The following TRIM2 variants were observed in gnomAD, a reference collection of about 807,000 sequenced individuals.
The protein encoded by TRIM2 is tripartite motif containing 2, also known as tripartite motif-containing protein 2.
A neutral mutation model predicts 75.2 loss-of-function variants in TRIM2; 20 were observed. That is an observed-to-expected ratio of 0.27 (90% CI 0.19 to 0.39). TRIM2 has a LOEUF of 0.39. Ranked by LOEUF, TRIM2 falls within the 10% of genes least tolerant of loss-of-function variation. The pLI, the probability that TRIM2 is intolerant of heterozygous loss-of-function variation, is 1.00. For missense variants in TRIM2, 660 were observed against 990.8 expected (o/e 0.67, Z 4.48); for synonymous variants, 373 against 388.3 (o/e 0.96, Z 0.46).
intron 11 of TRIM2, among the ~76,000 whole-genome samples, chr4:153,333,980 TC>T (rs1772054011): frequency 6.6e-6 from 1 of 151,904 alleles, no homozygotes; most frequent in African/African-American, 2.4e-5. Context: ...TACAACCCAC[TC>T]TTTTCTAAAA....
chr4:153,183,362 T>C (rs1732269920), intron 1 of TRIM2, among the ~76,000 whole-genome samples: 1 of 152,186 alleles, frequency 6.6e-6, no homozygotes, highest in Non-Finnish European at 1.5e-5. Context: ...GCATGTATTG[T>C]GAAGTAGAAG....
intron 1 of TRIM2, among the ~76,000 whole-genome samples, chr4:153,239,542 C>A (rs1026341959): frequency 6.6e-6 from 1 of 152,166 alleles, no homozygotes. Flanking sequence ...TACTGCTTCA[C>A]ATCCCCTTTA....
At chr4:153,305,399 C>T (rs10517568) in intron 6 of TRIM2, among the ~76,000 whole-genome samples, 96,401 of 152,078 alleles carry the variant, frequency 0.63, 31,796 homozygotes, top group African/African-American at 0.82. Flanking sequence ...AGCATATTCA[C>T]AGTTGTAGTC....
chr4:153,324,236 G>T, intron 10 of TRIM2, 88 bp downstream of exon 10: 1 of 1,111,842 alleles, frequency 9.0e-7, no homozygotes, highest in East Asian at 2.5e-5. Flanking sequence ...ACTTACATAT[G>T]GCACCAAAGG....
In TRIM2 at chr4:153,248,766, CT is replaced by C; in HGVS notation, c.31-21567del. ...CAGGCAGGTTGCTTAGGAAAATACT[CT>C]TCTGGTAACATGTTGGAGGGGCAGC... On this transcript the variant is annotated intron_variant, in intron 1 of 11. Coordinates refer to ENST00000338700, the MANE Select transcript of TRIM2 (RefSeq NM_015271.5). The surrounding 1 kb of genome is among the most constrained non-coding windows in gnomAD (Gnocchi z 4.0). Among the ~76,000 whole-genome samples the C allele has an allele frequency of 6.6e-6, 1 of 152,254 alleles. No homozygotes were observed. Among genetic ancestry groups the C allele is most frequent in the East Asian group, 1.9e-4 (1 of 5,200 alleles).
chr4:153,212,874 A>G (rs540355429), intron 1 of TRIM2, among the ~76,000 whole-genome samples: 23 of 152,132 alleles, frequency 1.5e-4, no homozygotes, highest in South Asian at 8.3e-4. Flanking sequence ...GTTCCTTTGC[A>G]TGGTGGTTGT....
At chr4:153,276,305 A>G in intron 3 of TRIM2, 175 bp downstream of exon 3, 1 of 612,712 alleles carries the variant, frequency 1.6e-6, no homozygotes, top group South Asian at 2.0e-5. Flanking sequence ...GACCAGAACT[A>G]TTTAAATAAC....
At chr4:153,311,154 C>T (rs1015272683) in intron 6 of TRIM2, among the ~76,000 whole-genome samples, 5 of 152,042 alleles carry the variant, frequency 3.3e-5, no homozygotes, top group African/African-American at 1.2e-4. Context: ...AAAATTATAC[C>T]CCAAAATACA....
intron 1 of TRIM2, among the ~76,000 whole-genome samples, chr4:153,154,051 A>G (rs1299455341): frequency 6.6e-6 from 1 of 152,144 alleles, no homozygotes; most frequent in Admixed American, 6.6e-5. Context: ...ATTCCAGACA[A>G]GGTTTTAATT....
intron 1 of TRIM2, among the ~76,000 whole-genome samples, chr4:153,231,766 G>A (rs943304343): frequency 1.8e-4 from 28 of 151,996 alleles, no homozygotes; most frequent in Non-Finnish European, 2.2e-4. Context: ...TCACATAATC[G>A]TCCCTCCATG....
At chr4:153,301,370 A>G (rs1201992474) in intron 6 of TRIM2, among the ~76,000 whole-genome samples, 1 of 151,932 alleles carries the variant, frequency 6.6e-6, no homozygotes, top group African/African-American at 2.4e-5. Flanking sequence ...TTTTCATTCT[A>G]TTGAGTTGTT....
upstream of TRIM2, chr4:153,153,020 T>TTAG (rs1728866112): frequency 6.6e-6 from 1 of 152,246 alleles, no homozygotes; most frequent in African/African-American, 2.4e-5. Context: ...GCATGCGGAT[T>TTAG]TAGTTCCCCG....
chr4:153,320,035 A>C (rs1310339202), intron 8 of TRIM2, among the ~76,000 whole-genome samples: 2 of 152,330 alleles, frequency 1.3e-5, no homozygotes, highest in Middle Eastern at 3.4e-3. Context: ...AGTGTTCATA[A>C]TGTTAGGTAG....
chr4:153,186,575 G>T (rs1239672847), intron 1 of TRIM2, among the ~76,000 whole-genome samples: 1 of 152,192 alleles, frequency 6.6e-6, no homozygotes, highest in East Asian at 1.9e-4. Context: ...TCAAGGGACA[G>T]CCCAGAGCAG....
chr4:153,200,814 T>A (rs564041121), upstream of TRIM2, among the ~76,000 whole-genome samples: 2 of 149,498 alleles, frequency 1.3e-5, no homozygotes, highest in African/African-American at 4.9e-5. Context: ...TTTTTCCTTA[T>A]TATTGTTATT....
intron 6 of TRIM2, among the ~76,000 whole-genome samples, chr4:153,300,210 G>T: frequency 6.6e-6 from 1 of 152,062 alleles, no homozygotes; most frequent in East Asian, 1.9e-4. Flanking sequence ...ACCAACCTGT[G>T]CCAGGGTTCA....
At position 153,293,141 on chromosome 4, in the gene TRIM2, A is replaced by C. The variant is rs1762148319; in HGVS notation, c.605+8A>C. Reference sequence around the variant, plus strand: ...GGATGCTGTCAACAAAAGGTGGGGGACCCCTCCCCAAACCCCCAACTGGCT... The same window carrying C: ...GGATGCTGTCAACAAAAGGTGGGGGCCCCCTCCCCAAACCCCCAACTGGCT... On this transcript the variant is annotated splice_region_variant and intron_variant, in intron 4 of 11. Coordinates refer to ENST00000338700, the MANE Select transcript of TRIM2 (RefSeq NM_015271.5). The C allele has an allele frequency of 2.5e-6, 4 of 1,595,388 alleles. No individual in the cohort carries two copies. The highest frequency in any genetic ancestry group is 3.4e-6 in the Non-Finnish European group (4 of 1,166,842).
In TRIM2 at chr4:153,339,240, T is replaced by G; in HGVS notation, c.*4274T>G. 3.1e-6 allele frequency: 3 copies of G among 969,454 alleles called. No individual in the cohort carries two copies. The highest frequency in any genetic ancestry group is 3.7e-6 in the Non-Finnish European group (3 of 815,054). 60.1% of individuals were successfully genotyped at this position (969,454 alleles called of 1,614,324 possible). A position where few individuals can be genotyped will look rare whatever the true frequency, so the allele number is the denominator to read the frequency against. ...TTTCAATTAATTCTGTCTTGAAACA[T>G]AGGAGAAACAGGATTCATGTGTATC... On this transcript the variant is annotated 3_prime_UTR_variant, in exon 12 of 12. Coordinates refer to ENST00000338700, the MANE Select transcript of TRIM2 (RefSeq NM_015271.5).
intron 1 of TRIM2, among the ~76,000 whole-genome samples, chr4:153,264,158 C>A (rs1259685911): frequency 6.6e-6 from 1 of 152,182 alleles, no homozygotes; most frequent in Non-Finnish European, 1.5e-5. Context: ...GAGTGAGCTT[C>A]TTTGTAAGAG....
Sources: allele counts gnomAD v4.1 joint callset (sites outside exome capture counted in the v4.1 genomes callset), GRCh38; gene constraint gnomAD v4.1.1; non-coding constraint Gnocchi (gnomAD v3.1); transcripts MANE v1.5; gene names NCBI Gene and HGNC (gene_info 2026-07-23, HGNC 2026-07-21).